Variants in ZEB2 observed in about 807,000 individuals in gnomAD.
ZEB2 encodes the protein zinc finger E-box-binding homeobox 2.
A neutral mutation model predicts 99.9 loss-of-function variants in ZEB2; 6 were observed. The observed-to-expected ratio is 0.06, with a 90% CI of 0.03 to 0.12. The LOEUF is 0.12. Ranked by LOEUF, ZEB2 falls within the 10% of genes least tolerant of loss-of-function variation. ZEB2 has a pLI of 1.00. For synonymous variants in ZEB2, 517 were observed against 542.5 expected (o/e 0.95, Z 0.65); for missense variants, 969 against 1,502.8 (o/e 0.64, Z 5.87).
rs530031523 is a variant in ZEB2, at chr2:144,404,610, G to T, written c.592+226C>A. On this transcript the variant is annotated intron_variant, in intron 5 of 9. Transcript: ENST00000627532. The stretch of plus-strand genomic sequence containing the variant: ...TAGATATTTTTATCTCTTAGAAATG[G>T]GCTCTAATTGTTCTTGTTCTTTATT... 2.0e-5 allele frequency among the ~76,000 whole-genome samples: 3 copies of T among 152,216 alleles called. No homozygotes were observed. In the East Asian group the frequency reaches 5.8e-4, roughly 29 times the overall value.
chr2:144,488,620 C>A (rs756934707), intron 2 of ZEB2, among the ~76,000 whole-genome samples: 1 of 151,510 alleles, frequency 6.6e-6, no homozygotes, highest in Non-Finnish European at 1.5e-5. Context: ...TTAAATAACA[C>A]TTTAAGTGCT....
At chr2:144,514,725 T>C (rs888037543) in intron 2 of ZEB2, among the ~76,000 whole-genome samples, 2 of 152,246 alleles carry the variant, frequency 1.3e-5, no homozygotes, top group African/African-American at 4.8e-5. Context: ...CAGCATGTTT[T>C]CCCACAGCTT....
At chr2:144,390,483 G>A (rs948757604) in intron 9 of ZEB2, 10 of 248,244 alleles carry the variant, frequency 4.0e-5, no homozygotes, top group Admixed American at 1.0e-4. Flanking sequence ...GTTATATCAT[G>A]AGATAGTTGC....
chr2:144,484,847 A>C, intron 2 of ZEB2, among the ~76,000 whole-genome samples: 1 of 149,640 alleles, frequency 6.7e-6, no homozygotes, highest in East Asian at 1.9e-4. Flanking sequence ...AATTATGAAG[A>C]AAAAAAAAAG....
chr2:144,507,643 C>T (rs538452154), intron 2 of ZEB2, among the ~76,000 whole-genome samples: 2 of 152,284 alleles, frequency 1.3e-5, no homozygotes, highest in Admixed American at 1.3e-4. Flanking sequence ...AATTTCTAAC[C>T]AAGGCTGCAG....
At chr2:144,445,747 T>C (rs1245163866) in intron 2 of ZEB2, among the ~76,000 whole-genome samples, 1 of 152,078 alleles carries the variant, frequency 6.6e-6, no homozygotes, top group African/African-American at 2.4e-5. Context: ...TCGAAAATTT[T>C]AGAAATAGAA....
chr2:144,421,946 T>C (rs902514357), intron 4 of ZEB2, among the ~76,000 whole-genome samples: 1 of 152,238 alleles, frequency 6.6e-6, no homozygotes, highest in Non-Finnish European at 1.5e-5. Context: ...CAAGATCTTC[T>C]CAAAATTAGA....
intron 2 of ZEB2, among the ~76,000 whole-genome samples, chr2:144,475,835 G>A (rs1277843560): frequency 6.6e-6 from 1 of 152,160 alleles, no homozygotes; most frequent in African/African-American, 2.4e-5. Context: ...CTCAGTAGCA[G>A]GTTTTAAATA....
chr2:144,436,622 G>A (rs1703840740), intron 2 of ZEB2, among the ~76,000 whole-genome samples: 2 of 152,158 alleles, frequency 1.3e-5, no homozygotes, highest in African/African-American at 4.8e-5. Context: ...TGGTACCTGG[G>A]AGAGGTTTTC....
At position 144,388,890 on chromosome 2, in the gene ZEB2, G is replaced by GAAA. The variant is rs533637050; in HGVS notation, c.*558_*560dup. On this transcript the variant is annotated 3_prime_UTR_variant, in exon 10 of 10. Coordinates refer to ENST00000627532, the MANE Select transcript of ZEB2 (RefSeq NM_014795.4). This position sits in a 1 kb window ranked among gnomAD's most constrained non-coding sequence, Gnocchi z 5.4. ...ATGCATCACTTCAAGTTCCTTCACA[G>GAAA]AAAAAAAAAAAAATTGAGGCCTAAA... 30 of 332,194 alleles carry GAAA rather than the reference G, an allele frequency of 9.0e-5. No individual in the cohort carries two copies. The highest frequency in any genetic ancestry group is 4.4e-4 in the Middle Eastern group (1 of 2,280). The allele number at this position is 332,194 out of a possible 1,614,324, so 20.6% of individuals were successfully genotyped here. A position where few individuals can be genotyped will look rare whatever the true frequency, so the allele number is the denominator to read the frequency against.
At chr2:144,490,864 C>CA (rs1461516986) in intron 2 of ZEB2, among the ~76,000 whole-genome samples, 1 of 152,224 alleles carries the variant, frequency 6.6e-6, no homozygotes, top group African/African-American at 2.4e-5. Context: ...AGCTATCACA[C>CA]ATGGGCAATG....
At chr2:144,439,500 T>C (rs1167707448) in intron 2 of ZEB2, among the ~76,000 whole-genome samples, 1 of 152,248 alleles carries the variant, frequency 6.6e-6, no homozygotes, top group Non-Finnish European at 1.5e-5. Context: ...TTAATTAATA[T>C]GCAAATCTCT....
intron 4 of ZEB2, among the ~76,000 whole-genome samples, chr2:144,415,859 A>T (rs1427856725): frequency 2.6e-5 from 4 of 152,236 alleles, no homozygotes; most frequent in Admixed American, 2.0e-4. Context: ...CGAAGTCGAA[A>T]GTCATCCATT....
chr2:144,460,538 T>G (rs1704178212), intron 2 of ZEB2, among the ~76,000 whole-genome samples: 1 of 152,138 alleles, frequency 6.6e-6, no homozygotes, highest in Non-Finnish European at 1.5e-5. Flanking sequence ...ATATTCACAT[T>G]GCTGCTCTGA....
chr2:144,487,371 G>T (rs977847312), intron 2 of ZEB2, among the ~76,000 whole-genome samples: 1 of 151,974 alleles, frequency 6.6e-6, no homozygotes, highest in South Asian at 2.1e-4. Context: ...AATTTTGAAT[G>T]ATATATACTT....
chr2:144,406,301 C>T (rs1342972143), intron 4 of ZEB2, among the ~76,000 whole-genome samples: 1 of 152,082 alleles, frequency 6.6e-6, no homozygotes, highest in Non-Finnish European at 1.5e-5. Context: ...CTCTGGTGAG[C>T]AGAAAACAGT....
At chr2:144,511,167 G>C (rs1705031941) in intron 2 of ZEB2, among the ~76,000 whole-genome samples, 1 of 152,132 alleles carries the variant, frequency 6.6e-6, no homozygotes, top group African/African-American at 2.4e-5. Context: ...AATAACTGTT[G>C]TTTCCTAAAT....
rs1324222494 is a variant in ZEB2, at chr2:144,399,210, G to C, written c.1977C>G (p.Leu659=). 1 of 1,614,164 alleles carries C rather than the reference G, an allele frequency of 6.2e-7. No individual in the cohort carries two copies. The highest frequency in any genetic ancestry group is 1.1e-5 in the South Asian group (1 of 91,076). Reference sequence around the variant, plus strand: ...CCATGTTCATAGCATAGTATGCTTTGAGTACAGACATGTGGTCCTTGTATG... The same window carrying C: ...CCATGTTCATAGCATAGTATGCTTTCAGTACAGACATGTGGTCCTTGTATG... ...INPYKDHMSV[L]KAYYAMNMEP... Residue 659 remains leucine, a synonymous_variant, in exon 8 of 10, where the codon CTC becomes CTG. Transcript: ENST00000627532. This position sits in a 1 kb window ranked among gnomAD's most constrained non-coding sequence, Gnocchi z 5.6.
chr2:144,474,365 C>T (rs1205022858), intron 2 of ZEB2, among the ~76,000 whole-genome samples: 1 of 152,202 alleles, frequency 6.6e-6, no homozygotes, highest in Admixed American at 6.5e-5. Flanking sequence ...AGCACCTGGT[C>T]ACAAGGCATC....
Sources: gnomAD v4.1 joint callset for allele counts (sites outside exome capture counted in the v4.1 genomes callset) on GRCh38, gnomAD v4.1.1 for gene constraint, Gnocchi (gnomAD v3.1) non-coding constraint, MANE v1.5 for transcripts, NCBI Gene and HGNC (gene_info 2026-07-23, HGNC 2026-07-21) for gene names.